Variants in SERPINA6 observed in about 807,000 individuals in gnomAD.
The protein encoded by SERPINA6 is corticosteroid-binding globulin.
A neutral mutation model predicts 26.4 loss-of-function variants in SERPINA6; 19 were observed. The observed-to-expected ratio is 0.72, with a 90% CI of 0.50 to 1.06. The LOEUF (loss-of-function observed/expected upper bound fraction) is 1.06. Among genes scored for constraint, SERPINA6 ranks in the 50% least tolerant of loss-of-function variants. The pLI, the probability that SERPINA6 is intolerant of heterozygous loss-of-function variation, is 0.00. For missense variants in SERPINA6, 473 were observed against 504.0 expected (o/e 0.94, Z 0.59); for synonymous variants, 196 against 199.4 (o/e 0.98, Z 0.14).
At chr14:94,310,070 G>T (rs944456943) in intron 2 of SERPINA6, 64 bp from the exon 3 acceptor site, 2 of 1,534,594 alleles carry the variant, frequency 1.3e-6, no homozygotes, top group East Asian at 2.3e-5. Context: ...GTGATCTCAC[G>T]GGCCTACTAT....
At position 94,304,517 on chromosome 14, in the gene SERPINA6, C is replaced by G; in HGVS notation, c.1119G>C (p.Lys373Asn). The G allele has an allele frequency of 1.2e-6, 2 of 1,614,138 alleles. No individual in the cohort carries two copies. The highest frequency in any genetic ancestry group is 2.2e-5 in the South Asian group (2 of 91,080). The change falls in exon 5 of 5, where the codon AAG becomes AAC. Residue 373 changes from lysine to asparagine, a missense_variant. By Grantham distance (94) the Lys-to-Asn change is moderately conservative (BLOSUM62 0). Transcript: ENST00000341584. The part of the protein sequence containing the change: ...STGVTLNLTS[K>N]PIILRFNQPF... The stretch of plus-strand genomic sequence containing the variant: ...GCTGGTTGAAACGCAAGATGATAGG[C>G]TTGGACGTCAGGTTTAGGGTGACCC...
intron 1 of SERPINA6, among the ~76,000 whole-genome samples, 184 bp downstream of exon 1, chr14:94,323,081 TCA>T (rs907765114): frequency 5.9e-5 from 9 of 152,216 alleles, no homozygotes; most frequent in Non-Finnish European, 1.2e-4. Flanking sequence ...TGTGGATGAC[TCA>T]CAGACTCCGG....
Position 94,306,100 on chromosome 14 carries a change from T to C in SERPINA6, c.1003A>G (p.Thr335Ala). 6.2e-7 allele frequency: 1 copy of C among 1,614,156 alleles called. No individual in the cohort carries two copies. Among genetic ancestry groups the C allele is most frequent in the Non-Finnish European group, 8.5e-7 (1 of 1,180,030 alleles). The part of the protein sequence containing the change: ...FTNQANFSRI[T>A]QDAQLKSSKV... ...GATGACTTCAGCTGGGCGTCCTGGG[T>C]GATGCGTGAGAAATTTGCCTGGTTG... Residue 335 changes from threonine to alanine, a missense_variant, in exon 4 of 5, where the codon ACC (threonine) becomes GCC (alanine). Physicochemically the swap from Thr to Ala is moderately conservative, Grantham distance 58. Transcript: ENST00000341584.
Position 94,314,581 on chromosome 14 carries a change from A to G in SERPINA6, c.68T>C (p.Met23Thr), listed in dbSNP as rs1300550199. 1.5e-5 allele frequency: 25 copies of G among 1,614,146 alleles called. No homozygotes were observed. The highest frequency in any genetic ancestry group is 2.1e-5 in the Non-Finnish European group (25 of 1,180,046). Residue 23 changes from methionine (M) to threonine (T), a missense_variant, in exon 2 of 5, where the codon ATG becomes ACG. Met to Thr is a moderately conservative substitution (Grantham distance 81). Coordinates refer to ENST00000341584, the MANE Select transcript of SERPINA6 (RefSeq NM_001756.4). ...GTTCACATAAGCAGCGTTAGGATCC[A>G]TGGCCTGGACGGTCCAGAGGCCGCT... ...PTSGLWTVQA[M>T]DPNAAYVNMS...
intron 1 of SERPINA6, among the ~76,000 whole-genome samples, chr14:94,318,850 A>G (rs1181102270): frequency 6.6e-6 from 1 of 152,230 alleles, no homozygotes; most frequent in Non-Finnish European, 1.5e-5. Context: ...ATCAAAGGAT[A>G]CTATCAATAA....
intron 1 of SERPINA6, among the ~76,000 whole-genome samples, chr14:94,316,314 A>C (rs552038629): frequency 2.6e-5 from 4 of 152,182 alleles, no homozygotes. Flanking sequence ...TCCTATTTGC[A>C]CTTGAGAAGA....
chr14:94,314,696 C>T, intron 1 of SERPINA6, 29 bp from the exon 2 acceptor site: 1 of 1,601,242 alleles, frequency 6.2e-7, no homozygotes, highest in Non-Finnish European at 8.5e-7. Context: ...TTGTTAGATG[C>T]TGTGGCAGTC....
chr14:94,314,945 C>A, intron 1 of SERPINA6: 1 of 506,288 alleles, frequency 2.0e-6, no homozygotes, highest in Non-Finnish European at 3.5e-6. Flanking sequence ...CCAAAACACT[C>A]CTAAAGCAAG....
chr14:94,307,448 A>G (rs1029461354), intron 3 of SERPINA6, among the ~76,000 whole-genome samples: 2 of 152,224 alleles, frequency 1.3e-5, no homozygotes, highest in African/African-American at 4.8e-5. Flanking sequence ...ATGGGGCTTT[A>G]AGTTATGTAT....
chr14:94,313,906 G>T (rs773304472), intron 2 of SERPINA6, 130 bp downstream of exon 2: 1 of 977,448 alleles, frequency 1.0e-6, no homozygotes, highest in South Asian at 1.3e-5. Flanking sequence ...TTGTGGTGAA[G>T]ATGGAGATTC....
intron 2 of SERPINA6, among the ~76,000 whole-genome samples, chr14:94,313,152 A>G (rs888405116): frequency 6.6e-6 from 1 of 152,166 alleles, no homozygotes; most frequent in Non-Finnish European, 1.5e-5. Flanking sequence ...CTAAGATTTG[A>G]AGTGAGGGAA....
intron 1 of SERPINA6, among the ~76,000 whole-genome samples, chr14:94,317,925 A>T (rs1034693825): frequency 2.0e-5 from 3 of 152,254 alleles, no homozygotes; most frequent in African/African-American, 7.2e-5. Context: ...TTCACAGATG[A>T]CATGATCTTA....
chr14:94,310,079 A>C, intron 2 of SERPINA6, 73 bp from the exon 3 acceptor site: 3 of 1,487,866 alleles, frequency 2.0e-6, no homozygotes, highest in Non-Finnish European at 9.3e-7. Context: ...CGGGCCTACT[A>C]TCCAAGTGAC....
At chr14:94,311,382 C>G (rs1895527834) in intron 2 of SERPINA6, among the ~76,000 whole-genome samples, 1 of 151,944 alleles carries the variant, frequency 6.6e-6, no homozygotes, top group African/African-American at 2.4e-5. Flanking sequence ...TTTTTTTCGT[C>G]CTTAACATTT....
chr14:94,311,790 A>AT (rs773335173), intron 2 of SERPINA6, among the ~76,000 whole-genome samples: 24 of 151,930 alleles, frequency 1.6e-4, no homozygotes, highest in Non-Finnish European at 3.1e-4. Context: ...ATACAAAAAA[A>AT]TAAAAAAATT....
At chr14:94,320,075 G>T (rs1226606840) in intron 1 of SERPINA6, among the ~76,000 whole-genome samples, 2 of 152,066 alleles carry the variant, frequency 1.3e-5, no homozygotes. Flanking sequence ...TGCCTGCAAG[G>T]TTAGTGGTTT....
intron 1 of SERPINA6, among the ~76,000 whole-genome samples, chr14:94,322,464 C>T (rs184770429): frequency 9.5e-4 from 145 of 152,182 alleles, no homozygotes; most frequent in African/African-American, 3.3e-3. Context: ...GAGCCGAGAT[C>T]GCACCATTGC....
At chr14:94,323,029 C>T (rs917028120) in intron 1 of SERPINA6, among the ~76,000 whole-genome samples, 1 of 152,226 alleles carries the variant, frequency 6.6e-6, no homozygotes, top group African/African-American at 2.4e-5. Flanking sequence ...CCCTCTGTGT[C>T]AGCCCCCTGC....
rs1355901960 is a variant in SERPINA6 at position 94,309,756 on chromosome 14, C to T, written c.864G>A (p.Trp288Ter). The part of the protein sequence containing the change: ...AALSRDTINR[W>*]SAGLTSSQVD... ...CTTACCTGCTGGTCAGGCCTGCGGA[C>T]CACCTGTTAATCGTGTCCCGGCTCA... Residue 288 changes from tryptophan to a stop codon, truncating the protein, a stop_gained, in exon 3 of 5, where the codon TGG becomes TGA. Transcript: ENST00000341584. LOFTEE classifies it high-confidence loss of function. 2 of 1,613,998 alleles carry T rather than the reference C, an allele frequency of 1.2e-6. No homozygotes were observed. The highest frequency in any genetic ancestry group is 3.3e-5 in the Admixed American group (2 of 60,010).
Sources: gnomAD v4.1 joint callset for allele counts (sites outside exome capture counted in the v4.1 genomes callset) on GRCh38, gnomAD v4.1.1 for gene constraint, MANE v1.5 for transcripts, NCBI Gene and HGNC (gene_info 2026-07-23, HGNC 2026-07-21) for gene names.